LMLN: variants seen among roughly 807,000 people sequenced by gnomAD.
LMLN encodes leishmanolysin like peptidase.
A neutral mutation model predicts 92.3 loss-of-function variants in LMLN; 70 were observed. The ratio of observed to expected loss-of-function variants is 0.76; its 90% CI spans 0.63 to 0.92. The LOEUF (loss-of-function observed/expected upper bound fraction) is 0.92, where lower values mean the gene tolerates loss of function less well. Among genes scored for constraint, LMLN ranks in the 40% least tolerant of loss-of-function variants. The probability of loss-of-function intolerance (pLI) is 0.00; values close to 1 mark genes in which losing one functional copy is unlikely to be tolerated. For synonymous variants in LMLN, 308 were observed against 296.2 expected (o/e 1.04, Z -0.41); for missense variants, 691 against 814.6 (o/e 0.85, Z 1.85).
At chr3:197,983,185 A>T (rs1560138691) in intron 6 of LMLN, among the ~76,000 whole-genome samples, 1 of 152,242 alleles carries the variant, frequency 6.6e-6, no homozygotes, top group Non-Finnish European at 1.5e-5. Context: ...TACTTTATAA[A>T]TAGTCAGTTA....
chr3:197,999,620 C>T (rs150697126), intron 11 of LMLN: 22 of 328,408 alleles, frequency 6.7e-5, no homozygotes, highest in Non-Finnish European at 8.5e-5. Context: ...CTGGACTTCC[C>T]GGGCTCAAGC....
chr3:197,987,455 G>A (rs1055480779), intron 8 of LMLN, among the ~76,000 whole-genome samples: 2 of 152,068 alleles, frequency 1.3e-5, no homozygotes, highest in Admixed American at 6.5e-5. Context: ...CACCGCGCCC[G>A]GCCAAAATTT....
chr3:198,002,737 CAAAAT>C (rs772692584), intron 11 of LMLN, among the ~76,000 whole-genome samples: 39 of 152,158 alleles, frequency 2.6e-4, no homozygotes, highest in Non-Finnish European at 4.6e-4. Flanking sequence ...GACCCTGTCT[CAAAAT>C]AAAATAAAGT....
chr3:197,996,901 C>A (rs1722034853), intron 10 of LMLN, among the ~76,000 whole-genome samples: 1 of 152,218 alleles, frequency 6.6e-6, no homozygotes, highest in African/African-American at 2.4e-5. Context: ...CCTGCCTCAG[C>A]CTCCGAAGTA....
intron 14 of LMLN, among the ~76,000 whole-genome samples, chr3:198,034,501 C>T (rs572345464): frequency 6.6e-6 from 1 of 152,130 alleles, no homozygotes; most frequent in African/African-American, 2.4e-5. Context: ...GTCCCAGCTA[C>T]TTGGGAGGCT....
intron 4 of LMLN, 60 bp from the exon 5 acceptor site, chr3:197,976,538 T>C (rs1721386832): frequency 2.1e-6 from 2 of 950,804 alleles, no homozygotes; most frequent in African/African-American, 3.4e-5. Context: ...TCCATGTTTT[T>C]AACTGCTATA....
chr3:197,986,258 C>T (rs1721703030), intron 8 of LMLN, among the ~76,000 whole-genome samples: 1 of 152,108 alleles, frequency 6.6e-6, no homozygotes, highest in Non-Finnish European at 1.5e-5. Flanking sequence ...CCCATGAGTT[C>T]AAAACCTGCC....
intron 9 of LMLN, chr3:197,994,730 AAAGAT>A (rs930406589): frequency 2.0e-5 from 3 of 152,352 alleles, no homozygotes; most frequent in Non-Finnish European, 1.5e-5. Context: ...AAAAGAAACA[AAAGAT>A]AAGAAGTGTT....
chr3:197,977,116 A>G (rs1721405964), intron 5 of LMLN, among the ~76,000 whole-genome samples: 1 of 152,212 alleles, frequency 6.6e-6, no homozygotes. Context: ...TACGTAATAT[A>G]TGTTTAAAGG....
chr3:198,001,951 C>T (rs1722186192), intron 11 of LMLN, among the ~76,000 whole-genome samples: 1 of 152,090 alleles, frequency 6.6e-6, no homozygotes, highest in South Asian at 2.1e-4. Flanking sequence ...CTGCGCCCAG[C>T]CCTGAGCCTA....
exon 1 of LMLN, chr3:197,960,289 G>A (rs764856622): frequency 1.2e-6 from 2 of 1,613,800 alleles, no homozygotes; most frequent in South Asian, 1.1e-5. Context: ...TCGGGCTCAG[G>A]CCCGGGCCGG....
rs1453566145 is a variant in LMLN, at chr3:197,965,021, AAAAG to A, written c.219+4591_219+4594del. 3.5e-3 allele frequency among the ~76,000 whole-genome samples: 531 copies of A among 151,314 alleles called. 6 individuals are homozygous for A. Among genetic ancestry groups the A allele is most frequent in the Middle Eastern group, 0.014 (4 of 290 alleles). ...AAACTCTGTCTCAAAAAAAAAAAAAAAAAGAAAGAAAGAGACAAGGTGTCCCTCT... is the reference window on the plus strand; with the variant it reads ...AAACTCTGTCTCAAAAAAAAAAAAAAAAAGAAAGAGACAAGGTGTCCCTCT... On this transcript the variant is annotated intron_variant, in intron 1 of 15. Transcript: ENST00000330198.
At chr3:197,988,112 T>C (rs893083306) in intron 8 of LMLN, among the ~76,000 whole-genome samples, 8 of 152,084 alleles carry the variant, frequency 5.3e-5, no homozygotes, top group African/African-American at 1.9e-4. Context: ...GCTTTTGCCA[T>C]GTATAGAAAA....
chr3:197,973,577 T>C (rs1721289987), intron 1 of LMLN, among the ~76,000 whole-genome samples: 1 of 152,096 alleles, frequency 6.6e-6, no homozygotes, highest in Non-Finnish European at 1.5e-5. Flanking sequence ...GGCCATAAAA[T>C]AATCTGTTAC....
At chr3:197,979,972 G>GA (rs372164602) in intron 5 of LMLN, among the ~76,000 whole-genome samples, 11 of 151,496 alleles carry the variant, frequency 7.3e-5, no homozygotes, top group East Asian at 1.9e-4. Context: ...AAAGAAAGTT[G>GA]AAAAAAAAGC....
At chr3:197,990,796 C>CATA (rs1721846398) in intron 9 of LMLN, 120 bp downstream of exon 9, 1 of 559,984 alleles carries the variant, frequency 1.8e-6, no homozygotes, top group East Asian at 2.8e-5. Flanking sequence ...TAGGAAAAGT[C>CATA]ATATAAAGGG....
chr3:197,994,207 G>A (rs1235324681), intron 9 of LMLN, among the ~76,000 whole-genome samples: 1 of 152,066 alleles, frequency 6.6e-6, no homozygotes, highest in Non-Finnish European at 1.5e-5. Context: ...ATTGGTTTGG[G>A]CAATGAGTTT....
intron 6 of LMLN, among the ~76,000 whole-genome samples, chr3:197,983,576 C>T (rs181681613): frequency 1.2e-3 from 179 of 152,280 alleles, no homozygotes; most frequent in Non-Finnish European, 2.1e-3. Flanking sequence ...CTGCTTTCCT[C>T]TCTACCTGCT....
chr3:197,974,626 C>T, intron 2 of LMLN, 152 bp downstream of exon 2: 1 of 552,154 alleles, frequency 1.8e-6, no homozygotes, highest in Non-Finnish European at 3.2e-6. Context: ...GCATTTTAGT[C>T]TGAAAATATG....
Sources: allele counts gnomAD v4.1 joint callset (sites outside exome capture counted in the v4.1 genomes callset), GRCh38; gene constraint gnomAD v4.1.1; transcripts MANE v1.5; gene names NCBI Gene and HGNC (gene_info 2026-07-23, HGNC 2026-07-21).